Variants in GEMIN8 observed in about 807,000 individuals in gnomAD.
The protein encoded by GEMIN8 is gem-associated protein 8.
For missense variants in GEMIN8, 185 were observed against 205.9 expected, an observed-to-expected ratio of 0.90 and a Z score of 0.62; for synonymous variants, 80 against 78.5, an observed-to-expected ratio of 1.02 and a Z score of -0.10.
the GEMIN8 span, among the ~76,000 whole-genome samples, chrX:13,989,965 C>A: frequency 8.9e-6 from 1 of 112,545 alleles, no homozygotes. Context: ...CTCCAATGCA[C>A]TGCAAACCAG....
At chrX:13,996,147 T>C in the GEMIN8 span, among the ~76,000 whole-genome samples, 1 of 111,793 alleles carries the variant, frequency 8.9e-6, no homozygotes, top group African/African-American at 3.3e-5. Flanking sequence ...AGAGAAATCA[T>C]AGAACCTACT....
In GEMIN8 at chrX:14,007,956, T is replaced by C. The variant is rs1569346961; in HGVS notation, c.*957A>G. 8.9e-6 allele frequency among the ~76,000 whole-genome samples: 1 copy of C among 112,025 alleles called. No homozygotes were observed. The highest frequency in any genetic ancestry group is 1.9e-5 in the Non-Finnish European group (1 of 53,251). ...GAGGTGCAGTTGGCAAACTACCATC[T>C]GTAGACCAAATCTGGCCTGCAGTCT... is the stretch of plus-strand genomic sequence containing the variant. On this transcript the variant is annotated 3_prime_UTR_variant, in exon 5 of 5. Coordinates refer to ENST00000680255, the MANE Select transcript of GEMIN8 (RefSeq NM_001042479.2).
At chrX:14,005,414 C>T (rs144894516), downstream of GEMIN8, among the ~76,000 whole-genome samples, 113 of 111,736 alleles carry the variant, frequency 1.0e-3, no homozygotes, top group African/African-American at 3.6e-3. Context: ...GTTTGGAGAG[C>T]CTCTGGATTG....
At chrX:14,001,791 G>A (rs1414527634), downstream of GEMIN8, among the ~76,000 whole-genome samples, 2 of 108,058 alleles carry the variant, frequency 1.9e-5, no homozygotes, top group Non-Finnish European at 3.9e-5. Flanking sequence ...GATTACAGGT[G>A]TGAGCCACCA....
chrX:14,022,538 G>A (rs761131914), intron 2 of GEMIN8, among the ~76,000 whole-genome samples: 1 of 111,437 alleles, frequency 9.0e-6, no homozygotes, highest in Non-Finnish European at 1.9e-5. Flanking sequence ...TTCGATGCAT[G>A]AAATACCCAA....
chrX:14,000,883 C>T, the GEMIN8 span, among the ~76,000 whole-genome samples: 1 of 111,007 alleles, frequency 9.0e-6, no homozygotes, highest in Admixed American at 9.6e-5. Context: ...TGACATGCCG[C>T]CGTCCTTTTA....
At chrX:14,013,034 A>G (rs1923668917) in intron 4 of GEMIN8, among the ~76,000 whole-genome samples, 1 of 112,858 alleles carries the variant, frequency 8.9e-6, no homozygotes, top group East Asian at 2.8e-4. Flanking sequence ...CACAGCCAGC[A>G]TGTGAAAGTA....
chrX:13,992,214 G>T, the GEMIN8 span, among the ~76,000 whole-genome samples: 1 of 112,011 alleles, frequency 8.9e-6, no homozygotes, highest in Non-Finnish European at 1.9e-5. Flanking sequence ...TAAAAAAGTA[G>T]TAGTCCTGTG....
chrX:13,993,249 A>C, the GEMIN8 span, among the ~76,000 whole-genome samples: 1 of 110,864 alleles, frequency 9.0e-6, no homozygotes, highest in African/African-American at 3.3e-5. Context: ...GCTCTTCTCC[A>C]TGCTTCTATG....
the GEMIN8 span, among the ~76,000 whole-genome samples, chrX:13,991,915 G>A: frequency 1.6e-4 from 18 of 112,102 alleles, no homozygotes; most frequent in African/African-American, 5.8e-4. Context: ...CAAAAACCAT[G>A]TTCTTCCATT....
chrX:14,011,626 CA>C (rs1923558342), intron 4 of GEMIN8, among the ~76,000 whole-genome samples: 1 of 103,266 alleles, frequency 9.7e-6, no homozygotes, highest in South Asian at 4.6e-4. Context: ...AGCCCACAGT[CA>C]GAGTTCCCAG....
chrX:13,987,736 T>C, the GEMIN8 span, among the ~76,000 whole-genome samples: 2 of 112,036 alleles, frequency 1.8e-5, no homozygotes, highest in African/African-American at 6.5e-5. Context: ...CCAGAGACCA[T>C]AGGCCCATGT....
downstream of GEMIN8, among the ~76,000 whole-genome samples, chrX:14,005,398 A>C (rs933854394): frequency 9.0e-6 from 1 of 111,489 alleles, no homozygotes; most frequent in African/African-American, 3.3e-5. Context: ...ACCCCAGAAG[A>C]ACTGGGTTTG....
At position 14,007,268 on chromosome X, in the gene GEMIN8, G is replaced by C. The variant is rs1923213307; in HGVS notation, c.*1645C>G. Reference sequence around the variant, plus strand: ...GAATGTGAAGCCAACTGTTCTTAGAGAGAAACATGTCAATACTAAATCTTT... The same window carrying C: ...GAATGTGAAGCCAACTGTTCTTAGACAGAAACATGTCAATACTAAATCTTT... On this transcript the variant is annotated 3_prime_UTR_variant, in exon 5 of 5. Transcript: ENST00000680255. Among the ~76,000 whole-genome samples, 1 of 111,688 alleles carries C rather than the reference G, an allele frequency of 9.0e-6. No homozygotes were observed. Among genetic ancestry groups the C allele is most frequent in the South Asian group, 3.8e-4 (1 of 2,654 alleles).
At chrX:13,988,432 C>T in the GEMIN8 span, among the ~76,000 whole-genome samples, 1 of 109,743 alleles carries the variant, frequency 9.1e-6, no homozygotes, top group East Asian at 2.9e-4. Flanking sequence ...CGTATTTTCA[C>T]CGTTTCCAGA....
At position 14,017,943 on chromosome X, in the gene GEMIN8, G is replaced by A. The variant is rs758260496; in HGVS notation, c.472+2135C>T. Among the ~76,000 whole-genome samples, 7 of 112,147 alleles carry A rather than the reference G, an allele frequency of 6.2e-5. 1 individual carries two copies. The South Asian group carries it at 1.9e-3, about 30-fold the overall frequency. ...GATGATGAAAGTGCAATTTGGAGCC[G>A]TAAAGTAACTAGACAGATTTGGAAA... On this transcript the variant is annotated intron_variant, in intron 4 of 4. Transcript: ENST00000680255.
At chrX:14,021,200 A>G (rs1924285346) in intron 3 of GEMIN8, among the ~76,000 whole-genome samples, 4 of 95,419 alleles carry the variant, frequency 4.2e-5, no homozygotes, top group Admixed American at 1.2e-4. Context: ...AACAATGAGA[A>G]CACATGGACA....
chrX:14,004,598 C>T (rs746512752), downstream of GEMIN8, among the ~76,000 whole-genome samples: 2 of 112,598 alleles, frequency 1.8e-5, no homozygotes, highest in East Asian at 2.8e-4. Flanking sequence ...GACAGCATCT[C>T]GCTCTGTTGC....
chrX:14,013,051 C>G (rs751671622), intron 4 of GEMIN8, among the ~76,000 whole-genome samples: 2 of 112,583 alleles, frequency 1.8e-5, no homozygotes, highest in South Asian at 7.3e-4. Flanking sequence ...AGTACTTTAG[C>G]GTGTACTGAC....
Sources: gnomAD v4.1 joint callset for allele counts (sites outside exome capture counted in the v4.1 genomes callset) on GRCh38, gnomAD v4.1.1 for gene constraint, MANE v1.5 for transcripts, NCBI Gene and HGNC (gene_info 2026-07-23, HGNC 2026-07-21) for gene names.